RORC: variants seen among roughly 807,000 people sequenced by gnomAD.
The protein encoded by RORC is nuclear receptor ROR-gamma.
Under a neutral mutation model 64.5 loss-of-function variants are expected in RORC, and 13 were observed. The observed-to-expected ratio is 0.20, with a 90% CI of 0.13 to 0.32. The LOEUF (loss-of-function observed/expected upper bound fraction) is 0.32, where lower values mean the gene tolerates loss of function less well. Among genes scored for constraint, RORC ranks in the 10% least tolerant of loss-of-function variants. The pLI, the probability that RORC is intolerant of heterozygous loss-of-function variation, is 1.00. For missense variants in RORC, 468 were observed against 669.5 expected, an observed-to-expected ratio of 0.70 and a Z score of 3.32; for synonymous variants, 277 against 259.3, an observed-to-expected ratio of 1.07 and a Z score of -0.65.
Position 151,830,289 on chromosome 1 carries a change from G to A in RORC, c.41-831C>T, listed in dbSNP as rs1244745692. Among the ~76,000 whole-genome samples, 6 of 152,088 alleles carry A rather than the reference G, an allele frequency of 3.9e-5. No individual in the cohort carries two copies. The highest frequency in any genetic ancestry group is 1.2e-4 in the African/African-American group (5 of 41,486). ...GGGCAGTAGGGAGCATGAGTGGGTC[G>A]ATGGGGGTCACATGGATACTCGGAC... On this transcript the variant is annotated intron_variant, in intron 1 of 10. Transcript: ENST00000318247. The surrounding 1 kb of genome is among the most constrained non-coding windows in gnomAD (Gnocchi z 4.0).
Position 151,806,112 on chromosome 1 carries a change from G to T in RORC, c.*1360C>A, listed in dbSNP as rs201145886. 2.0e-5 allele frequency: 3 copies of T among 152,384 alleles called. No individual in the cohort carries two copies. Among genetic ancestry groups the T allele is most frequent in the African/African-American group, 7.2e-5 (3 of 41,434 alleles). The allele number at this position is 152,384 out of a possible 1,614,324, so 9.4% of individuals were successfully genotyped here. On this transcript the variant is annotated 3_prime_UTR_variant, in exon 11 of 11. Coordinates refer to ENST00000318247, the MANE Select transcript of RORC (RefSeq NM_005060.4). ...TTTATAAAGAATGGCACAAGTTGGG[G>T]TTTATGTTTACTCAGATGAACCCGT...
chr1:151,821,039 A>G (rs192739675), intron 2 of RORC, among the ~76,000 whole-genome samples: 50 of 152,320 alleles, frequency 3.3e-4, no homozygotes, highest in Admixed American at 3.3e-3. Flanking sequence ...TTAGAGACTG[A>G]AGTACCCCCA....
intron 3 of RORC, 49 bp downstream of exon 3, chr1:151,817,140 GCGCGCT>G: frequency 1.8e-5 from 20 of 1,124,854 alleles, no homozygotes; most frequent in African/African-American, 6.1e-5. Context: ...GTGCGCGCGC[GCGCGCT>G]TGTGTATGCA....
chr1:151,817,703 T>A (rs1030207756), intron 2 of RORC, among the ~76,000 whole-genome samples: 1 of 152,130 alleles, frequency 6.6e-6, no homozygotes. Context: ...GGGGCTCAGC[T>A]CCCATGGGCA....
chr1:151,815,566 G>T, intron 4 of RORC, 141 bp from the exon 5 acceptor site: 1 of 1,141,010 alleles, frequency 8.8e-7, no homozygotes, highest in Non-Finnish European at 1.2e-6. Context: ...TAGCCTTTAG[G>T]GAACTTATGC....
rs776827880 is a variant in RORC, at chr1:151,814,968, G to A, written c.756C>T (p.Gly252=). Residue 252 remains glycine, a synonymous_variant, in exon 5 of 11, where the codon GGC becomes GGT. Coordinates refer to ENST00000318247, the MANE Select transcript of RORC (RefSeq NM_005060.4). ...CCGGTGTGCTGCGGAAACTGGGGCT[G>A]CCGTAGCTGTCTGGGCCCTGTCCCA... ...GELGQGPDSY[G]SPSFRSTPEA... 5 of 1,614,184 alleles carry A rather than the reference G, an allele frequency of 3.1e-6. No individual in the cohort carries two copies. In the South Asian group the frequency reaches 5.5e-5, roughly 18 times the overall value.
chr1:151,808,604 T>C (rs1651403476), intron 10 of RORC, among the ~76,000 whole-genome samples: 1 of 152,236 alleles, frequency 6.6e-6, no homozygotes, highest in South Asian at 2.1e-4. Context: ...TGGCAATAGC[T>C]TCCTTCATTC....
At position 151,817,288 on chromosome 1, in the gene RORC, A is replaced by C. The variant is rs761478961; in HGVS notation, c.71-8T>G. ...GGATCACTTCAATTTGTGCTGGAAGAGAGAAAGAGAAGTAGGTCAGCCCAG... is the reference window on the plus strand; with the variant it reads ...GGATCACTTCAATTTGTGCTGGAAGCGAGAAAGAGAAGTAGGTCAGCCCAG... On this transcript the variant is annotated splice_polypyrimidine_tract_variant and splice_region_variant and intron_variant, in intron 2 of 10. Coordinates refer to ENST00000318247, the MANE Select transcript of RORC (RefSeq NM_005060.4). The C allele has an allele frequency of 6.2e-7, 1 of 1,610,500 alleles. No homozygotes were observed. The highest frequency in any genetic ancestry group is 1.1e-5 in the South Asian group (1 of 91,032).
chr1:151,824,451 G>A (rs1652113760), intron 2 of RORC, among the ~76,000 whole-genome samples: 1 of 152,210 alleles, frequency 6.6e-6, no homozygotes. Flanking sequence ...GGGAAGACCA[G>A]TCTGCCAGCG....
In RORC at chr1:151,815,410, C is replaced by T; in HGVS notation, c.314G>A (p.Arg105His). 2.0e-6 allele frequency: 3 copies of T among 1,530,098 alleles called. No homozygotes were observed. Among genetic ancestry groups the T allele is most frequent in the South Asian group, 1.3e-5 (1 of 77,290 alleles). 94.8% of individuals were successfully genotyped at this position (1,530,098 alleles called of 1,614,324 possible). The change falls in exon 5 of 11, where the codon CGC (arginine) becomes CAC (histidine). Residue 105 changes from arginine to histidine, a missense_variant. By Grantham distance (29) the Arg-to-His change is conservative. Coordinates refer to ENST00000318247, the MANE Select transcript of RORC (RefSeq NM_005060.4). ...GMSRDAVKFG[R>H]MSKKQRDSLH... Reference sequence around the variant, plus strand: ...GCTGTCCCTCTGCTTCTTGGACATGCGGCCGAACTTGACAGCTGAAAGAGG... The same window carrying T: ...GCTGTCCCTCTGCTTCTTGGACATGTGGCCGAACTTGACAGCTGAAAGAGG...
chr1:151,830,887 C>A lies in RORC; in HGVS notation c.40+838G>T, dbSNP rs566247684. On this transcript the variant is annotated intron_variant, in intron 1 of 10. Transcript: ENST00000318247. The surrounding 1 kb of genome is among the most constrained non-coding windows in gnomAD (Gnocchi z 4.0). ...CCGGCTCCTGGCCTCTAGCCTTGCA[C>A]CTCAGAGCAGTCCTGTGGTGGGGGT... The A allele has an allele frequency of 1.6e-6, 2 of 1,258,454 alleles. No homozygotes were observed. Among genetic ancestry groups the A allele is most frequent in the African/African-American group, 1.5e-5 (1 of 65,364 alleles). The allele number at this position is 1,258,454 out of a possible 1,614,324, so 78.0% of individuals were successfully genotyped here. A position where few individuals can be genotyped will look rare whatever the true frequency, so the allele number is the denominator to read the frequency against.
chr1:151,829,416 A>G lies in RORC; in HGVS notation c.70+13T>C. The G allele has an allele frequency of 6.5e-7, 1 of 1,535,324 alleles. No individual in the cohort carries two copies. Among genetic ancestry groups the G allele is most frequent in the Non-Finnish European group, 8.7e-7 (1 of 1,148,818 alleles). On this transcript the variant is annotated intron_variant, in intron 2 of 10. Coordinates refer to ENST00000318247, the MANE Select transcript of RORC (RefSeq NM_005060.4). ...TGCCCCAGCCATTTTCTTGCCCCGGACCCCCTACTCACAGGTGTGGGTCTT... is the reference window on the plus strand; with the variant it reads ...TGCCCCAGCCATTTTCTTGCCCCGGGCCCCCTACTCACAGGTGTGGGTCTT...
At chr1:151,810,144 A>T (rs961460014) in intron 10 of RORC, among the ~76,000 whole-genome samples, 8 of 152,086 alleles carry the variant, frequency 5.3e-5, no homozygotes, top group Non-Finnish European at 1.0e-4. Flanking sequence ...TCCCACACCC[A>T]AATCCCATAA....
At position 151,830,672 on chromosome 1, in the gene RORC, TG is replaced by T. The variant is rs1652375488; in HGVS notation, c.40+1052del. Reference sequence around the variant, plus strand: ...CACACACACACACACAGTGCCCTTCTGCCCGGGAGATGCTCCCCACTGGCAG... The same window carrying T: ...CACACACACACACACAGTGCCCTTCTCCCGGGAGATGCTCCCCACTGGCAG... On this transcript the variant is annotated intron_variant, in intron 1 of 10. Transcript: ENST00000318247. This position sits in a 1 kb window ranked among gnomAD's most constrained non-coding sequence, Gnocchi z 4.0. 3.0e-5 allele frequency among the ~76,000 whole-genome samples: 1 copy of T among 33,818 alleles called. No individual in the cohort carries two copies. The highest frequency in any genetic ancestry group is 5.7e-5 in the African/African-American group (1 of 17,468). The allele number at this position is 33,818 out of a possible 152,430, so 22.2% of individuals were successfully genotyped here.
intron 2 of RORC, among the ~76,000 whole-genome samples, chr1:151,823,668 C>A (rs1652080264): frequency 6.6e-6 from 1 of 152,194 alleles, no homozygotes; most frequent in Non-Finnish European, 1.5e-5. Context: ...GAGACAGGGT[C>A]TCGCTCTGTC....
chr1:151,812,833 G>T, intron 9 of RORC, 114 bp downstream of exon 9: 2 of 661,550 alleles, frequency 3.0e-6, no homozygotes, highest in Non-Finnish European at 5.3e-6. Flanking sequence ...GGCTCATTCT[G>T]CTATTTAAAG....
intron 7 of RORC, 31 bp from the exon 8 acceptor site, chr1:151,813,377 A>G (rs533862935): frequency 6.2e-7 from 1 of 1,610,324 alleles, no homozygotes; most frequent in African/African-American, 1.3e-5. Flanking sequence ...ATGCAGGGAC[A>G]GTGTCAAGCA....
At position 151,807,698 on chromosome 1, in the gene RORC, G is replaced by T; in HGVS notation, c.1396-65C>A. 6.4e-7 allele frequency: 1 copy of T among 1,553,690 alleles called. No homozygotes were observed. Among genetic ancestry groups the T allele is most frequent in the Non-Finnish European group, 8.8e-7 (1 of 1,136,944 alleles). On this transcript the variant is annotated intron_variant, in intron 10 of 10. Coordinates refer to ENST00000318247, the MANE Select transcript of RORC (RefSeq NM_005060.4). The surrounding 1 kb of genome is among the most constrained non-coding windows in gnomAD (Gnocchi z 5.0). ...AGCTCTCCTCAGAGCAAAGAAGTCCGCTCATTCTTCCTGGGCTAGGACAAA... is the reference window on the plus strand; with the variant it reads ...AGCTCTCCTCAGAGCAAAGAAGTCCTCTCATTCTTCCTGGGCTAGGACAAA...
In RORC at chr1:151,814,649, C is replaced by A. The variant is rs760810577; in HGVS notation, c.858G>T (p.Gln286His). 1 of 1,612,836 alleles carries A rather than the reference C, an allele frequency of 6.2e-7. No homozygotes were observed. Among genetic ancestry groups the A allele is most frequent in the Non-Finnish European group, 8.5e-7 (1 of 1,179,452 alleles). Residue 286 changes from glutamine (Q) to histidine (H), a missense_variant, in exon 6 of 11, where the codon CAG (glutamine) becomes CAT (histidine). Transcript: ENST00000318247. ...SVCKSYRETC[Q>H]LRLEDLLRQR... ...GCCGCAGCAGGTCCTCCAGCCGCAGCTGGCATGTCTCCCTGTAGGACTTGC... is the reference window on the plus strand; with the variant it reads ...GCCGCAGCAGGTCCTCCAGCCGCAGATGGCATGTCTCCCTGTAGGACTTGC...
Sources: gnomAD v4.1 joint callset for allele counts (sites outside exome capture counted in the v4.1 genomes callset) on GRCh38, gnomAD v4.1.1 for gene constraint, Gnocchi (gnomAD v3.1) non-coding constraint, MANE v1.5 for transcripts, NCBI Gene and HGNC (gene_info 2026-07-23, HGNC 2026-07-21) for gene names.